CYYR1: variants seen among roughly 807,000 people sequenced by gnomAD.
The protein encoded by CYYR1 is cysteine and tyrosine-rich protein 1.
In CYYR1, 14 loss-of-function variants were observed where a neutral mutation model predicts 15.2. That is an observed-to-expected ratio of 0.92 (90% confidence interval 0.61 to 1.44). CYYR1 has a LOEUF of 1.44. CYYR1 is among the 40% of genes most tolerant of loss of function. CYYR1 has a pLI of 0.00. For synonymous variants in CYYR1, 80 were observed against 77.4 expected, an observed-to-expected ratio of 1.03 and a Z score of -0.18; for missense variants, 228 against 209.5, an observed-to-expected ratio of 1.09 and a Z score of -0.54.
In CYYR1 at chr21:26,566,351, A is replaced by G; in HGVS notation, c.91T>C (p.Cys31Arg). ...CAGTAAGATTTGCAATCTTTGCCAC[A>G]CTGAGCAAGGCAATCATCTACAAAA... is the stretch of plus-strand genomic sequence containing the variant. ...FVYADDCLAQ[C>R]GKDCKSYCCD... is the part of the protein sequence containing the mutation. Residue 31 changes from cysteine (C) to arginine (R), a missense_variant, in exon 2 of 4, where the codon TGT (cysteine) becomes CGT (arginine). Coordinates refer to ENST00000652641, the MANE Select transcript of CYYR1 (RefSeq NM_001320768.2). 1 of 1,613,598 alleles carries G rather than the reference A, an allele frequency of 6.2e-7. No homozygotes were observed. Among genetic ancestry groups the G allele is most frequent in the East Asian group, 2.2e-5 (1 of 44,852 alleles).
intron 2 of CYYR1, among the ~76,000 whole-genome samples, chr21:26,488,299 C>T (rs1400883543): frequency 1.4e-5 from 2 of 147,782 alleles, no homozygotes; most frequent in African/African-American, 5.0e-5. Flanking sequence ...CAAGGTCTAA[C>T]TGCGTCACCC....
At chr21:26,524,379 T>A (rs1456326442) in intron 2 of CYYR1, among the ~76,000 whole-genome samples, 2 of 152,246 alleles carry the variant, frequency 1.3e-5, no homozygotes, top group East Asian at 1.9e-4. Context: ...ATTGTTGGAT[T>A]AAATTGCTTA....
intron 3 of CYYR1, among the ~76,000 whole-genome samples, chr21:26,474,672 T>A (rs1317010468): frequency 2.0e-5 from 3 of 152,152 alleles, no homozygotes; most frequent in Admixed American, 2.0e-4. Context: ...TAACCCTGCC[T>A]CTCAAGTCCC....
chr21:26,547,083 T>C (rs900389942), intron 2 of CYYR1, among the ~76,000 whole-genome samples: 3 of 152,142 alleles, frequency 2.0e-5, no homozygotes, highest in African/African-American at 4.8e-5. Flanking sequence ...GACTCATTTT[T>C]ATTTTTCTTA....
intron 2 of CYYR1, among the ~76,000 whole-genome samples, chr21:26,545,994 G>C (rs1450266503): frequency 6.6e-6 from 1 of 152,132 alleles, no homozygotes; most frequent in African/African-American, 2.4e-5. Context: ...TTGAATATCA[G>C]AGATTTCTGA....
rs114963920 is a variant in CYYR1 at position 26,524,370 on chromosome 21, T to C, written c.176+41896A>G. On this transcript the variant is annotated intron_variant, in intron 2 of 3. Transcript: ENST00000652641. ...GAATTTAATCCAACAATTTCAAACA[T>C]TGTTGGATTAAATTGCTTACATTGA... Among the ~76,000 whole-genome samples the C allele has an allele frequency of 6.2e-3, 948 of 152,322 alleles. 5 individuals are homozygous for C. The highest frequency in any genetic ancestry group is 0.021 in the African/African-American group (892 of 41,572).
chr21:26,571,300 C>T (rs1177829079), intron 1 of CYYR1, among the ~76,000 whole-genome samples: 1 of 152,256 alleles, frequency 6.6e-6, no homozygotes, highest in African/African-American at 2.4e-5. Context: ...AGTAAGTCAA[C>T]TTAGCACTGG....
At chr21:26,469,319 A>T (rs219644) in intron 3 of CYYR1, among the ~76,000 whole-genome samples, 3 of 151,812 alleles carry the variant, frequency 2.0e-5, no homozygotes, top group Non-Finnish European at 2.9e-5. Context: ...CTATAATTGG[A>T]GGGGGGTGGA....
Position 26,566,249 on chromosome 21 carries a change from A to G in CYYR1, c.176+17T>C. 1 of 1,589,342 alleles carries G rather than the reference A, an allele frequency of 6.3e-7. No individual in the cohort carries two copies. Among genetic ancestry groups the G allele is most frequent in the Non-Finnish European group, 8.6e-7 (1 of 1,157,908 alleles). On this transcript the variant is annotated intron_variant, in intron 2 of 3. Coordinates refer to ENST00000652641, the MANE Select transcript of CYYR1 (RefSeq NM_001320768.2). ...AGAGGAAGAGCATCAGTATTGCCAAATCTGACGAATACTCACGAGAGGATA... is the reference window on the plus strand; with the variant it reads ...AGAGGAAGAGCATCAGTATTGCCAAGTCTGACGAATACTCACGAGAGGATA...
At chr21:26,484,712 T>C (rs1034878990) in intron 2 of CYYR1, among the ~76,000 whole-genome samples, 4 of 152,086 alleles carry the variant, frequency 2.6e-5, no homozygotes, top group Admixed American at 2.6e-4. Context: ...CCAAACTATG[T>C]GTTATGGAAG....
chr21:26,479,753 C>G lies in CYYR1; in HGVS notation c.334+519G>C, dbSNP rs1262393149. ...TCATGAACCCTTGCCCTCAAGTGAT[C>G]CACCCACCTCGGCCTACCAAAATGT... On this transcript the variant is annotated intron_variant, in intron 3 of 3. Transcript: ENST00000652641. Among the ~76,000 whole-genome samples, 5 of 152,060 alleles carry G rather than the reference C, an allele frequency of 3.3e-5. No individual in the cohort carries two copies. In the East Asian group the frequency reaches 9.7e-4, roughly 29 times the overall value.
intron 2 of CYYR1, among the ~76,000 whole-genome samples, chr21:26,550,059 C>T (rs1287484330): frequency 6.6e-6 from 1 of 152,184 alleles, no homozygotes; most frequent in Non-Finnish European, 1.5e-5. Context: ...AGCATATGCT[C>T]ACTTTGTGTT....
In CYYR1 at chr21:26,492,701, T is replaced by C. The variant is rs2065344932; in HGVS notation, c.177-12272A>G. Among the ~76,000 whole-genome samples, 4 of 122,166 alleles carry C rather than the reference T, an allele frequency of 3.3e-5. No homozygotes were observed. In the South Asian group the frequency reaches 1.1e-3, roughly 34 times the overall value. 80.1% of individuals were successfully genotyped at this position (122,166 alleles called of 152,430 possible). A position where few individuals can be genotyped will look rare whatever the true frequency, so the allele number is the denominator to read the frequency against. On this transcript the variant is annotated intron_variant, in intron 2 of 3. Transcript: ENST00000652641. Reference sequence around the variant, plus strand: ...GAAGAGTTCTAGTGGCCATCTGTTCTGGCAGATCATATTTCAAAAAAAAAA... The same window carrying C: ...GAAGAGTTCTAGTGGCCATCTGTTCCGGCAGATCATATTTCAAAAAAAAAA...
At chr21:26,494,556 T>C (rs1461566389) in intron 2 of CYYR1, among the ~76,000 whole-genome samples, 1 of 152,186 alleles carries the variant, frequency 6.6e-6, no homozygotes, top group Non-Finnish European at 1.5e-5. Flanking sequence ...TTTGGAAAGA[T>C]ATACTTTTGT....
chr21:26,569,555 T>G (rs1372591348), intron 1 of CYYR1, among the ~76,000 whole-genome samples: 1 of 152,160 alleles, frequency 6.6e-6, no homozygotes, highest in Non-Finnish European at 1.5e-5. Flanking sequence ...TATACCCAGG[T>G]AACAAATCTG....
rs1461713427 is a variant in CYYR1 at position 26,573,113 on chromosome 21, G to T, written c.-173C>A. 7 of 1,510,546 alleles carry T rather than the reference G, an allele frequency of 4.6e-6. No homozygotes were observed. The highest frequency in any genetic ancestry group is 1.4e-5 in the African/African-American group (1 of 71,304). The allele number at this position is 1,510,546 out of a possible 1,614,324, so 93.6% of individuals were successfully genotyped here. Reference sequence around the variant, plus strand: ...GGAGCCCGGGCCGGGCGCGTCCCGGGCCAGCGACTGCGGGACTCCGCGGAG... The same window carrying T: ...GGAGCCCGGGCCGGGCGCGTCCCGGTCCAGCGACTGCGGGACTCCGCGGAG... On this transcript the variant is annotated 5_prime_UTR_variant, in exon 1 of 4. Transcript: ENST00000652641.
intron 2 of CYYR1, among the ~76,000 whole-genome samples, chr21:26,507,049 G>T: frequency 6.6e-6 from 1 of 152,284 alleles, no homozygotes; most frequent in African/African-American, 2.4e-5. Flanking sequence ...AGCTGTGAAA[G>T]CCCTCAGCCC....
intron 2 of CYYR1, among the ~76,000 whole-genome samples, chr21:26,522,281 G>C: frequency 6.6e-6 from 1 of 152,142 alleles, no homozygotes. Flanking sequence ...AAGTGGACTT[G>C]AAAGTCCCTA....
At chr21:26,486,348 G>C (rs931483101) in intron 2 of CYYR1, among the ~76,000 whole-genome samples, 2 of 151,920 alleles carry the variant, frequency 1.3e-5, no homozygotes, top group Non-Finnish European at 2.9e-5. Flanking sequence ...GAAGCCCTAG[G>C]TCCTGAAGAC....
Sources: allele counts gnomAD v4.1 joint callset (sites outside exome capture counted in the v4.1 genomes callset), GRCh38; gene constraint gnomAD v4.1.1; transcripts MANE v1.5; gene names NCBI Gene and HGNC (gene_info 2026-07-23, HGNC 2026-07-21).